The following SLC35D4 variants were observed in gnomAD, a reference collection of about 807,000 sequenced individuals.
The protein encoded by SLC35D4 is UDP-N-acetylglucosamine transporter SLC35D4.
At chr18:23,433,641 C>G in the SLC35D4 span, among the ~76,000 whole-genome samples, 1 of 152,206 alleles carries the variant, frequency 6.6e-6, no homozygotes, top group African/African-American at 2.4e-5. Flanking sequence ...CCTAGGGCAG[C>G]TTCCTTTGAC....
At chr18:23,357,157 C>T in the SLC35D4 span, among the ~76,000 whole-genome samples, 1 of 152,042 alleles carries the variant, frequency 6.6e-6, no homozygotes, top group Non-Finnish European at 1.5e-5. Flanking sequence ...TTCTTTTCTG[C>T]CTTATATCTA....
the SLC35D4 span, among the ~76,000 whole-genome samples, chr18:23,311,082 G>C: frequency 2.6e-5 from 4 of 151,606 alleles, no homozygotes; most frequent in African/African-American, 9.7e-5. Context: ...TGCGCATGAT[G>C]AATGTCCCTC....
At chr18:23,435,249 CT>C in the SLC35D4 span, among the ~76,000 whole-genome samples, 140,972 of 150,658 alleles carry the variant, frequency 0.94, 65,983 homozygotes, top group Admixed American at 0.95. Flanking sequence ...TATTTGTCTG[CT>C]TTTTTTTTTG....
chr18:23,358,169 T>G, the SLC35D4 span, among the ~76,000 whole-genome samples: 1 of 152,192 alleles, frequency 6.6e-6, no homozygotes, highest in Non-Finnish European at 1.5e-5. Context: ...GGCAGCTGTG[T>G]GCTCTTGGCC....
the SLC35D4 span, among the ~76,000 whole-genome samples, chr18:23,344,260 T>C: frequency 6.6e-6 from 1 of 152,224 alleles, no homozygotes; most frequent in Non-Finnish European, 1.5e-5. Context: ...CTACCATTGA[T>C]GGGCATTTAG....
At chr18:23,290,620 C>G in the SLC35D4 span, among the ~76,000 whole-genome samples, 1 of 133,466 alleles carries the variant, frequency 7.5e-6, no homozygotes, top group Non-Finnish European at 1.6e-5. Flanking sequence ...ATTTAACTCA[C>G]TCTGAAATTC....
the SLC35D4 span, among the ~76,000 whole-genome samples, chr18:23,320,733 G>A: frequency 2.0e-5 from 3 of 152,184 alleles, no homozygotes; most frequent in Non-Finnish European, 2.9e-5. Context: ...TTAGTTGTAA[G>A]CCCTCCCAGA....
the SLC35D4 span, among the ~76,000 whole-genome samples, chr18:23,402,328 C>T: frequency 3.9e-5 from 6 of 152,140 alleles, no homozygotes; most frequent in African/African-American, 1.4e-4. Flanking sequence ...GTACCAAAGG[C>T]CTCATTCTAC....
At chr18:23,422,900 G>C in the SLC35D4 span, among the ~76,000 whole-genome samples, 1 of 152,020 alleles carries the variant, frequency 6.6e-6, no homozygotes, top group Admixed American at 6.6e-5. Flanking sequence ...CATTTTACTT[G>C]AGTCATTCAT....
At chr18:23,374,791 T>C in the SLC35D4 span, among the ~76,000 whole-genome samples, 5 of 152,110 alleles carry the variant, frequency 3.3e-5, no homozygotes, top group South Asian at 8.3e-4. Flanking sequence ...GGCTTAGACA[T>C]GACATCTTTA....
At chr18:23,390,641 T>G in the SLC35D4 span, among the ~76,000 whole-genome samples, 1 of 152,204 alleles carries the variant, frequency 6.6e-6, no homozygotes, top group African/African-American at 2.4e-5. Flanking sequence ...GTTCAGGTGT[T>G]GGAACTAACT....
the SLC35D4 span, among the ~76,000 whole-genome samples, chr18:23,344,597 CTTCTTTTTTTTT>C: frequency 9.3e-6 from 1 of 107,148 alleles, no homozygotes; most frequent in African/African-American, 3.9e-5. Flanking sequence ...CTTTTTTTTT[CTTCTTTTTTTTT>C]TTTTTGTTTT....
the SLC35D4 span, among the ~76,000 whole-genome samples, chr18:23,312,059 C>G: frequency 6.6e-6 from 1 of 152,228 alleles, no homozygotes; most frequent in Non-Finnish European, 1.5e-5. Context: ...TATGTCCTCA[C>G]CATTGTCTTT....
At chr18:23,326,304 A>G in the SLC35D4 span, among the ~76,000 whole-genome samples, 2 of 152,202 alleles carry the variant, frequency 1.3e-5, no homozygotes, top group African/African-American at 4.8e-5. Context: ...TATTCAGGAG[A>G]CCCATCTCAC....
At chr18:23,283,765 T>C in the SLC35D4 span, among the ~76,000 whole-genome samples, 1 of 147,452 alleles carries the variant, frequency 6.8e-6, no homozygotes, top group African/African-American at 2.5e-5. Flanking sequence ...GTCAAGATTG[T>C]GCCACTGCAC....
the SLC35D4 span, among the ~76,000 whole-genome samples, chr18:23,405,723 A>G: frequency 6.6e-6 from 1 of 152,174 alleles, no homozygotes; most frequent in East Asian, 1.9e-4. Context: ...AAGGAGAGAG[A>G]AAGCCTGTTG....
chr18:23,246,063 C>G, the SLC35D4 span, among the ~76,000 whole-genome samples: 1 of 152,094 alleles, frequency 6.6e-6, no homozygotes, highest in East Asian at 1.9e-4. Context: ...GTCAGGAGAT[C>G]GAGACCATCC....
the SLC35D4 span, among the ~76,000 whole-genome samples, chr18:23,314,449 T>C: frequency 6.6e-6 from 1 of 152,204 alleles, no homozygotes; most frequent in African/African-American, 2.4e-5. Flanking sequence ...CCTACTGCAA[T>C]GTGCTTACCC....
chr18:23,349,661 A>G, the SLC35D4 span, among the ~76,000 whole-genome samples: 1 of 152,162 alleles, frequency 6.6e-6, no homozygotes, highest in Non-Finnish European at 1.5e-5. Context: ...ACAAAAGCCT[A>G]TTTTTTTAGA....
Sources: gnomAD v4.1 joint callset for allele counts (sites outside exome capture counted in the v4.1 genomes callset) on GRCh38, gnomAD v4.1.1 for gene constraint, MANE v1.5 for transcripts, NCBI Gene and HGNC (gene_info 2026-07-23, HGNC 2026-07-21) for gene names.